GPM6A: variants seen among roughly 807,000 people sequenced by gnomAD.
GPM6A encodes the protein neuronal membrane glycoprotein M6-a.
A neutral mutation model predicts 32.1 loss-of-function variants in GPM6A; 7 were observed. The ratio of observed to expected loss-of-function variants is 0.22; its 90% CI spans 0.12 to 0.41. The LOEUF is 0.41. Ranked by LOEUF, GPM6A falls within the 10% of genes least tolerant of loss-of-function variation. The pLI, the probability that GPM6A is intolerant of heterozygous loss-of-function variation, is 1.00. For missense variants in GPM6A, 235 were observed against 347.2 expected (o/e 0.68, Z 2.57); for synonymous variants, 130 against 123.4 (o/e 1.05, Z -0.35).
chr4:175,875,447 A>ATC (rs1737052318), intron 1 of GPM6A, among the ~76,000 whole-genome samples: 1 of 152,200 alleles, frequency 6.6e-6, no homozygotes, highest in Non-Finnish European at 1.5e-5. Context: ...ATCATGGGAT[A>ATC]ATTAGAGTCA....
intron 1 of GPM6A, among the ~76,000 whole-genome samples, chr4:175,799,350 G>A (rs1241269045): frequency 6.6e-6 from 1 of 152,068 alleles, no homozygotes; most frequent in Non-Finnish European, 1.5e-5. Context: ...TCACTGTGGG[G>A]CAGTAGCATT....
At chr4:175,733,262 G>A (rs559073684) in intron 1 of GPM6A, among the ~76,000 whole-genome samples, 8 of 152,134 alleles carry the variant, frequency 5.3e-5, no homozygotes, top group Non-Finnish European at 7.4e-5. Context: ...CCAGCACTTC[G>A]GGAGGCTGAG....
At chr4:175,753,624 A>G (rs915170807) in intron 1 of GPM6A, among the ~76,000 whole-genome samples, 1 of 152,078 alleles carries the variant, frequency 6.6e-6, no homozygotes, top group Admixed American at 6.6e-5. Flanking sequence ...TGGCATTTAT[A>G]TTCTAATTCT....
chr4:175,908,652 A>C (rs534221780), intron 1 of GPM6A, among the ~76,000 whole-genome samples: 14 of 152,262 alleles, frequency 9.2e-5, no homozygotes, highest in African/African-American at 3.4e-4. Flanking sequence ...CAGCAAATAG[A>C]ATCTTTATAT....
chr4:175,708,003 A>G (rs1279780040), intron 1 of GPM6A, among the ~76,000 whole-genome samples: 4 of 152,214 alleles, frequency 2.6e-5, no homozygotes, highest in African/African-American at 4.8e-5. Context: ...TAAATTTGTC[A>G]TGCTAACTTT....
chr4:175,791,928 A>G (rs1734028959), intron 1 of GPM6A, among the ~76,000 whole-genome samples: 2 of 152,124 alleles, frequency 1.3e-5, no homozygotes, highest in Admixed American at 6.5e-5. Flanking sequence ...TTTTAAATCA[A>G]ATTGATGCTT....
At chr4:175,973,028 CAA>C (rs1392743928) in intron 1 of GPM6A, among the ~76,000 whole-genome samples, 1 of 152,132 alleles carries the variant, frequency 6.6e-6, no homozygotes, top group African/African-American at 2.4e-5. Flanking sequence ...TCAATGAAAA[CAA>C]AGTGTGTCCA....
At position 175,928,472 on chromosome 4, in the gene GPM6A, A is replaced by G. The variant is rs1446200437; in HGVS notation, c.-23+73837T>C. ...ATAACAAGCATTACAAGCTTATAAG[A>G]CTGCAACATTACTCCCCACTTCCAC... is the stretch of plus-strand genomic sequence containing the variant. On this transcript the variant is annotated intron_variant, in intron 1 of 7. Transcript: ENST00000280187. 8.1e-4 allele frequency among the ~76,000 whole-genome samples: 124 copies of G among 152,330 alleles called. 2 individuals carry two copies. The highest frequency in any genetic ancestry group is 2.9e-5 in the Non-Finnish European group (2 of 68,024).
At chr4:175,676,501 C>A (rs530117500) in intron 2 of GPM6A, among the ~76,000 whole-genome samples, 1 of 152,326 alleles carries the variant, frequency 6.6e-6, no homozygotes, top group South Asian at 2.1e-4. Context: ...GCAATCCCAC[C>A]GCTTCGAGAG....
chr4:175,987,920 C>T (rs1364000340), intron 1 of GPM6A, among the ~76,000 whole-genome samples: 1 of 151,926 alleles, frequency 6.6e-6, no homozygotes, highest in Non-Finnish European at 1.5e-5. Context: ...AAAGTCTAAA[C>T]TTTATAATTC....
intron 6 of GPM6A, among the ~76,000 whole-genome samples, chr4:175,637,215 C>T (rs1489433332): frequency 8.0e-5 from 1 of 12,540 alleles, no homozygotes; most frequent in Non-Finnish European, 1.7e-4. Flanking sequence ...CATAATATAT[C>T]ATATATAATA....
chr4:175,655,337 G>T (rs995944151), intron 3 of GPM6A, among the ~76,000 whole-genome samples: 10 of 152,076 alleles, frequency 6.6e-5, no homozygotes, highest in Middle Eastern at 3.4e-3. Context: ...AATATAATTT[G>T]ATCTTTCCAT....
chr4:175,678,991 A>C (rs959887022), intron 2 of GPM6A, among the ~76,000 whole-genome samples: 79 of 152,302 alleles, frequency 5.2e-4, no homozygotes, highest in African/African-American at 1.8e-3. Context: ...CACAGTGTAT[A>C]GTTATTGACC....
chr4:175,978,046 A>G (rs1225128655), intron 1 of GPM6A, among the ~76,000 whole-genome samples: 1 of 152,248 alleles, frequency 6.6e-6, no homozygotes, highest in African/African-American at 2.4e-5. Context: ...TCAAGATGCT[A>G]AACAAAGTTT....
intron 1 of GPM6A, among the ~76,000 whole-genome samples, chr4:175,901,277 A>C (rs1485274879): frequency 3.3e-5 from 5 of 152,182 alleles, no homozygotes. Context: ...GCATATTTTA[A>C]AATAACTTAA....
chr4:175,943,856 C>T (rs867799280), intron 1 of GPM6A, among the ~76,000 whole-genome samples: 1 of 152,120 alleles, frequency 6.6e-6, no homozygotes, highest in Middle Eastern at 3.2e-3. Flanking sequence ...TTTGTTGTGT[C>T]TCTGCCAGGT....
intron 1 of GPM6A, among the ~76,000 whole-genome samples, chr4:175,916,162 C>T (rs968947393): frequency 2.0e-5 from 3 of 152,196 alleles, no homozygotes; most frequent in African/African-American, 4.8e-5. Flanking sequence ...CCAGGGTTCC[C>T]GATAGAAACC....
At chr4:175,659,975 A>G (rs1742309275) in intron 3 of GPM6A, among the ~76,000 whole-genome samples, 1 of 152,250 alleles carries the variant, frequency 6.6e-6, no homozygotes, top group South Asian at 2.1e-4. Flanking sequence ...GCAACTGTTC[A>G]CAATAATACA....
intron 1 of GPM6A, among the ~76,000 whole-genome samples, chr4:175,766,902 GC>G (rs1732993281): frequency 6.6e-6 from 1 of 152,000 alleles, no homozygotes; most frequent in African/African-American, 2.4e-5. Context: ...TGATCTGCCT[GC>G]CTCGGCCTCC....
Sources: allele counts gnomAD v4.1 joint callset (sites outside exome capture counted in the v4.1 genomes callset), GRCh38; gene constraint gnomAD v4.1.1; transcripts MANE v1.5; gene names NCBI Gene and HGNC (gene_info 2026-07-23, HGNC 2026-07-21).